The following CFAP20DC variants were observed in gnomAD, a reference collection of about 807,000 sequenced individuals.
CFAP20DC encodes the protein protein CFAP20DC.
Under a neutral mutation model 101.7 loss-of-function variants are expected in CFAP20DC, and 84 were observed. That is an observed-to-expected ratio of 0.83 (90% CI 0.69 to 0.99). The LOEUF (loss-of-function observed/expected upper bound fraction) is 0.99, where lower values mean the gene tolerates loss of function less well. CFAP20DC is among the 50% of genes least tolerant of loss of function. CFAP20DC has a pLI of 0.00. For missense variants in CFAP20DC, 1,007 were observed against 970.3 expected (o/e 1.04, Z -0.50); for synonymous variants, 359 against 351.2 (o/e 1.02, Z -0.25).
At chr3:58,827,631 T>C (rs572480031) in intron 14 of CFAP20DC, among the ~76,000 whole-genome samples, 130 of 152,320 alleles carry the variant, frequency 8.5e-4, no homozygotes, top group African/African-American at 2.9e-3. Flanking sequence ...TCTTGAACTT[T>C]GGCTTAACTG....
At chr3:58,832,030 G>A (rs1399236314) in intron 13 of CFAP20DC, 141 bp from the exon 14 acceptor site, 3 of 674,376 alleles carry the variant, frequency 4.4e-6, no homozygotes, top group Non-Finnish European at 7.8e-6. Context: ...TGCGCTACCT[G>A]CCCCATCCAT....
intron 4 of CFAP20DC, among the ~76,000 whole-genome samples, chr3:59,031,714 A>T (rs982298531): frequency 6.6e-6 from 1 of 152,228 alleles, no homozygotes; most frequent in Non-Finnish European, 1.5e-5. Context: ...AAGATTGTAT[A>T]TTGATAGCTA....
At chr3:59,049,460 G>A (rs941508071) in intron 1 of CFAP20DC, among the ~76,000 whole-genome samples, 151 bp downstream of exon 1, 4 of 152,038 alleles carry the variant, frequency 2.6e-5, no homozygotes, top group African/African-American at 7.2e-5. Flanking sequence ...CTTCTCTCTG[G>A]GTCAACAGCA....
At chr3:58,831,301 T>C (rs1490253494) in intron 14 of CFAP20DC, among the ~76,000 whole-genome samples, 1 of 152,240 alleles carries the variant, frequency 6.6e-6, no homozygotes, top group Non-Finnish European at 1.5e-5. Flanking sequence ...TGTGTATCTA[T>C]AGTCTTTTCC....
At chr3:58,909,362 CATGAT>C (rs1005420643) in intron 6 of CFAP20DC, among the ~76,000 whole-genome samples, 1 of 152,138 alleles carries the variant, frequency 6.6e-6, no homozygotes, top group African/African-American at 2.4e-5. Flanking sequence ...ATCTGAGCTA[CATGAT>C]ATATTACGAT....
intron 14 of CFAP20DC, among the ~76,000 whole-genome samples, chr3:58,811,033 C>G (rs1386654860): frequency 6.6e-6 from 1 of 152,146 alleles, no homozygotes. Context: ...TACTACAAAT[C>G]ACTGCTCAGT....
chr3:58,733,098 G>A (rs2067677321), intron 3 of CFAP20DC, among the ~76,000 whole-genome samples: 1 of 152,178 alleles, frequency 6.6e-6, no homozygotes, highest in Non-Finnish European at 1.5e-5. Context: ...TTGGGAGGCC[G>A]AGGCAGGTGG....
At position 58,799,733 on chromosome 3, in the gene CFAP20DC, CTGTGTGTGTGTGTG is replaced by C. The variant is rs112827949; in HGVS notation, c.2237+6648_2237+6661del. On this transcript the variant is annotated intron_variant, in intron 15 of 16. Coordinates refer to ENST00000482387, the MANE Select transcript of CFAP20DC (RefSeq NM_001394063.1). This position sits in a 1 kb window ranked among gnomAD's most constrained non-coding sequence, Gnocchi z 4.9. Reference sequence around the variant, plus strand: ...AGTGTGTGTGTGTCTGTGTGTGTGTCTGTGTGTGTGTGTGTGTGTGTGTGTGTGTGTGTGTAGAA... The same window carrying C: ...AGTGTGTGTGTGTCTGTGTGTGTGTCTGTGTGTGTGTGTGTGTGTGTAGAA... Among the ~76,000 whole-genome samples the C allele has an allele frequency of 7.6e-3, 1,083 of 142,964 alleles. 2 individuals carry two copies. The highest frequency in any genetic ancestry group is 0.012 in the Non-Finnish European group (764 of 63,980). The allele number at this position is 142,964 out of a possible 152,430, so 93.8% of individuals were successfully genotyped here. A position where few individuals can be genotyped will look rare whatever the true frequency, so the allele number is the denominator to read the frequency against.
chr3:58,742,217 C>T lies in CFAP20DC; in HGVS notation c.*243G>A. 1 of 1,029,524 alleles carries T rather than the reference C, an allele frequency of 9.7e-7. No homozygotes were observed. Among genetic ancestry groups the T allele is most frequent in the Non-Finnish European group, 1.2e-6 (1 of 844,858 alleles). The allele number at this position is 1,029,524 out of a possible 1,614,324, so 63.8% of individuals were successfully genotyped here. ...TATGTAGAATGAGAACAAACAAGAA[C>T]CAATTCAAACTCCTAAAATCTTGCC... On this transcript the variant is annotated 3_prime_UTR_variant, in exon 17 of 17. Coordinates refer to ENST00000482387, the MANE Select transcript of CFAP20DC (RefSeq NM_001394063.1).
At chr3:58,934,326 C>T (rs375450831) in intron 5 of CFAP20DC, among the ~76,000 whole-genome samples, 6 of 152,248 alleles carry the variant, frequency 3.9e-5, no homozygotes, top group East Asian at 1.9e-4. Context: ...GACTCACAGC[C>T]GAATTCTACC....
chr3:58,836,966 G>A lies in CFAP20DC; in HGVS notation c.1972-5077C>T, dbSNP rs368685806. ...TGGAGGAGACGGTCCCTAAGAAGGG[G>A]CTTGAAGGAGAAGGAGGGTAATATG... is the stretch of plus-strand genomic sequence containing the variant. On this transcript the variant is annotated intron_variant, in intron 13 of 16. Coordinates refer to ENST00000482387, the MANE Select transcript of CFAP20DC (RefSeq NM_001394063.1). 6.6e-5 allele frequency among the ~76,000 whole-genome samples: 10 copies of A among 152,244 alleles called. No homozygotes were observed. In the East Asian group the frequency reaches 1.5e-3, roughly 24 times the overall value.
chr3:58,718,801 G>A (rs1231609945), intron 3 of CFAP20DC, among the ~76,000 whole-genome samples: 1 of 152,200 alleles, frequency 6.6e-6, no homozygotes, highest in Non-Finnish European at 1.5e-5. Context: ...GGTATGCTAA[G>A]GAAAATCTTG....
chr3:58,801,624 GA>G (rs1038318465), intron 15 of CFAP20DC, among the ~76,000 whole-genome samples: 24 of 143,898 alleles, frequency 1.7e-4, no homozygotes, highest in East Asian at 8.0e-4. Flanking sequence ...AACTGGAGAG[GA>G]AAAAAAAAAA....
At chr3:58,824,941 C>T (rs557095616) in intron 14 of CFAP20DC, among the ~76,000 whole-genome samples, 2 of 151,950 alleles carry the variant, frequency 1.3e-5, no homozygotes, top group South Asian at 4.2e-4. Context: ...GAATACAGAC[C>T]TGTGCCACCA....
At chr3:59,029,242 T>C (rs1381854086) in intron 4 of CFAP20DC, among the ~76,000 whole-genome samples, 1 of 152,064 alleles carries the variant, frequency 6.6e-6, no homozygotes, top group African/African-American at 2.4e-5. Context: ...TCAAGCTGAA[T>C]AGAACAGGCT....
intron 15 of CFAP20DC, among the ~76,000 whole-genome samples, chr3:58,765,335 A>T (rs2070177032): frequency 1.3e-5 from 2 of 152,090 alleles, no homozygotes; most frequent in Non-Finnish European, 2.9e-5. Context: ...AGAGCAAGTT[A>T]GCTTAATCAT....
At chr3:58,750,031 C>T (rs1183206377) in intron 16 of CFAP20DC, among the ~76,000 whole-genome samples, 1 of 152,130 alleles carries the variant, frequency 6.6e-6, no homozygotes, top group African/African-American at 2.4e-5. Flanking sequence ...TGTCAGAGAT[C>T]CGAATGCAGT....
chr3:58,849,506 A>G (rs906962085), intron 12 of CFAP20DC, 97 bp from the exon 13 acceptor site: 1 of 926,054 alleles, frequency 1.1e-6, no homozygotes, highest in Non-Finnish European at 1.6e-6. Flanking sequence ...TTTTCTATGA[A>G]TAAAGCAAAA....
chr3:58,776,877 T>C (rs2071384606), intron 15 of CFAP20DC, among the ~76,000 whole-genome samples: 1 of 151,842 alleles, frequency 6.6e-6, no homozygotes, highest in South Asian at 2.1e-4. Flanking sequence ...CCTTCACCAT[T>C]TGAGGTCTGG....
Sources: gnomAD v4.1 joint callset for allele counts (sites outside exome capture counted in the v4.1 genomes callset) on GRCh38, gnomAD v4.1.1 for gene constraint, Gnocchi (gnomAD v3.1) non-coding constraint, MANE v1.5 for transcripts, NCBI Gene and HGNC (gene_info 2026-07-23, HGNC 2026-07-21) for gene names.